The following VAV3 variants were observed in gnomAD, a reference collection of about 807,000 sequenced individuals.
The protein encoded by VAV3 is guanine nucleotide exchange factor VAV3.
Under a neutral mutation model 131.2 loss-of-function variants are expected in VAV3, and 94 were observed. That is an observed-to-expected ratio of 0.72 (90% CI 0.61 to 0.85). The LOEUF (loss-of-function observed/expected upper bound fraction) is 0.85, where lower values mean the gene tolerates loss of function less well. Among genes scored for constraint, VAV3 ranks in the 40% least tolerant of loss-of-function variants. The probability of loss-of-function intolerance (pLI) is 0.00; values close to 1 mark genes in which losing one functional copy is unlikely to be tolerated. For missense variants in VAV3, 939 were observed against 1,002.7 expected (o/e 0.94, Z 0.86); for synonymous variants, 349 against 342.0 (o/e 1.02, Z -0.22).
intron 2 of VAV3, among the ~76,000 whole-genome samples, chr1:107,863,166 C>A (rs1243523473): frequency 2.0e-5 from 3 of 152,048 alleles, no homozygotes; most frequent in Non-Finnish European, 4.4e-5. Flanking sequence ...TGCAATAAAC[C>A]CTACTTTTCC....
intron 2 of VAV3, among the ~76,000 whole-genome samples, chr1:107,838,963 G>C (rs1035201658): frequency 2.0e-5 from 3 of 152,088 alleles, no homozygotes; most frequent in African/African-American, 7.2e-5. Flanking sequence ...GGAGAGGAGA[G>C]AGGCAAGGGC....
intron 2 of VAV3, among the ~76,000 whole-genome samples, chr1:107,787,595 G>T (rs933116199): frequency 2.0e-5 from 3 of 152,176 alleles, no homozygotes; most frequent in Non-Finnish European, 2.9e-5. Flanking sequence ...GGGCAAGAAT[G>T]ACCAGTCTCT....
chr1:107,612,143 TAC>T lies in VAV3; in HGVS notation c.1981-2180_1981-2179del, dbSNP rs397836183. On this transcript the variant is annotated intron_variant, in intron 21 of 26. Transcript: ENST00000370056. ...CCGTACAAAATTATATATATATATA[TAC>T]ACACACACACATACATACAGAAATA... Among the ~76,000 whole-genome samples the T allele has an allele frequency of 1.6e-3, 209 of 127,330 alleles. 1 individual carries two copies. Among genetic ancestry groups the T allele is most frequent in the Admixed American group, 4.1e-3 (51 of 12,390 alleles). 83.5% of individuals were successfully genotyped at this position (127,330 alleles called of 152,430 possible). A position where few individuals can be genotyped will look rare whatever the true frequency, so the allele number is the denominator to read the frequency against.
chr1:107,957,378 C>G (rs371433663), intron 1 of VAV3, among the ~76,000 whole-genome samples: 2 of 152,116 alleles, frequency 1.3e-5, no homozygotes, highest in Non-Finnish European at 2.9e-5. Flanking sequence ...AGTTTTGTCC[C>G]ATCCAATCCA....
intron 1 of VAV3, among the ~76,000 whole-genome samples, chr1:107,962,999 G>C (rs1056916971): frequency 2.0e-5 from 3 of 152,110 alleles, no homozygotes; most frequent in Admixed American, 2.0e-4. Context: ...ACAATCTTTG[G>C]TCATCAGAAA....
intron 2 of VAV3, among the ~76,000 whole-genome samples, chr1:107,850,392 T>C (rs1311307523): frequency 6.6e-6 from 1 of 152,042 alleles, no homozygotes; most frequent in Non-Finnish European, 1.5e-5. Context: ...TGTGCACCCA[T>C]AAAAAAGAAT....
intron 1 of VAV3, among the ~76,000 whole-genome samples, chr1:107,900,567 A>T (rs1469955503): frequency 6.6e-6 from 1 of 152,212 alleles, no homozygotes; most frequent in East Asian, 1.9e-4. Flanking sequence ...TGTCAAGATC[A>T]TTGTAAACCA....
In VAV3 at chr1:107,953,716, A is replaced by G. The variant is rs79912592; in HGVS notation, c.204+10950T>C. ...TGACCTTAAGTGTTCCCATTAAACCATGCTGCCCCCATGCTCCCAGGAAAA... is the reference window on the plus strand; with the variant it reads ...TGACCTTAAGTGTTCCCATTAAACCGTGCTGCCCCCATGCTCCCAGGAAAA... On this transcript the variant is annotated intron_variant, in intron 1 of 26. Coordinates refer to ENST00000370056, the MANE Select transcript of VAV3 (RefSeq NM_006113.5). Among the ~76,000 whole-genome samples the G allele has an allele frequency of 6.4e-3, 977 of 152,212 alleles. 21 individuals are homozygous for G. The highest frequency in any genetic ancestry group is 0.043 in the East Asian group (224 of 5,172).
intron 18 of VAV3, among the ~76,000 whole-genome samples, chr1:107,686,400 CA>C (rs201822046): frequency 0.024 from 3,728 of 152,178 alleles, 57 homozygotes; most frequent in Middle Eastern, 0.061. Flanking sequence ...AGAAGGTCTT[CA>C]AGAGAGGAGA....
At chr1:107,674,293 G>A (rs937844290) in intron 19 of VAV3, among the ~76,000 whole-genome samples, 5 of 152,190 alleles carry the variant, frequency 3.3e-5, no homozygotes, top group Non-Finnish European at 7.3e-5. Context: ...GTCTACAGTT[G>A]TTTGTTTCAG....
intron 19 of VAV3, among the ~76,000 whole-genome samples, chr1:107,643,846 C>T (rs1208632260): frequency 6.6e-6 from 1 of 152,110 alleles, no homozygotes; most frequent in African/African-American, 2.4e-5. Flanking sequence ...ATAAACTGAA[C>T]AGACTAGAAA....
chr1:107,732,389 G>A (rs1210355671), intron 15 of VAV3, among the ~76,000 whole-genome samples: 5 of 149,096 alleles, frequency 3.4e-5, no homozygotes, highest in South Asian at 2.3e-4. Context: ...CACAGAGGGC[G>A]AGCCAAAGCT....
Position 107,794,008 on chromosome 1 carries a change from G to A in VAV3, c.322-14516C>T, listed in dbSNP as rs1371072240. 3.3e-5 allele frequency among the ~76,000 whole-genome samples: 5 copies of A among 152,362 alleles called. No homozygotes were observed. In the East Asian group the frequency reaches 7.7e-4, roughly 24 times the overall value. ...CTTTAGAAAATCTGATCTGACTCTA[G>A]TTAATTACTGCGCAGAAGGCGCTTC... On this transcript the variant is annotated intron_variant, in intron 2 of 26. Transcript: ENST00000370056.
intron 15 of VAV3, among the ~76,000 whole-genome samples, chr1:107,725,108 G>C (rs1661759185): frequency 6.6e-6 from 1 of 152,148 alleles, no homozygotes; most frequent in South Asian, 2.1e-4. Context: ...GTGAATAAAG[G>C]AATCAGAAAT....
At chr1:107,606,991 G>A (rs1363159124) in intron 22 of VAV3, among the ~76,000 whole-genome samples, 1 of 147,772 alleles carries the variant, frequency 6.8e-6, no homozygotes, top group Non-Finnish European at 1.5e-5. Flanking sequence ...ATCTCACACT[G>A]TCACCCGGGC....
At chr1:107,927,311 T>C (rs557274192) in intron 1 of VAV3, among the ~76,000 whole-genome samples, 1 of 152,280 alleles carries the variant, frequency 6.6e-6, no homozygotes, top group South Asian at 2.1e-4. Flanking sequence ...TAGTACACCA[T>C]GGGCCTCAGA....
At chr1:107,789,766 T>A (rs1159637229) in intron 2 of VAV3, among the ~76,000 whole-genome samples, 2 of 152,222 alleles carry the variant, frequency 1.3e-5, no homozygotes, top group African/African-American at 4.8e-5. Context: ...TAATCATATA[T>A]TTTATTTAAT....
At chr1:107,675,443 G>GTAGAA (rs1557753580) in intron 19 of VAV3, among the ~76,000 whole-genome samples, 7 of 152,130 alleles carry the variant, frequency 4.6e-5, no homozygotes, top group Admixed American at 3.3e-4. Flanking sequence ...CCAGATCTGT[G>GTAGAA]CCACTGTAGA....
chr1:107,576,625 T>C (rs1306262371), intron 25 of VAV3: 4 of 681,848 alleles, frequency 5.9e-6, no homozygotes, highest in Admixed American at 3.6e-5. Flanking sequence ...GACAATAGTA[T>C]TTTGCAATTC....
Sources: allele counts gnomAD v4.1 joint callset (sites outside exome capture counted in the v4.1 genomes callset), GRCh38; gene constraint gnomAD v4.1.1; transcripts MANE v1.5; gene names NCBI Gene and HGNC (gene_info 2026-07-23, HGNC 2026-07-21).